Variants in HDX observed in about 807,000 individuals in gnomAD.
The protein encoded by HDX is chromosome X open reading frame 43.
HDX carries 19 observed loss-of-function variants against 45.2 expected under a neutral mutation model. The ratio of observed to expected loss-of-function variants is 0.42; its 90% CI spans 0.29 to 0.62. The LOEUF is 0.62. Among genes scored for constraint, HDX ranks in the 20% least tolerant of loss-of-function variants. The pLI, the probability that HDX is intolerant of heterozygous loss-of-function variation, is 0.20. For missense variants in HDX, 532 were observed against 493.9 expected (o/e 1.08, Z -0.73); for synonymous variants, 188 against 172.8 (o/e 1.09, Z -0.69).
At chrX:84,465,223 G>A (rs1161946301) in intron 4 of HDX, among the ~76,000 whole-genome samples, 1 of 111,872 alleles carries the variant, frequency 8.9e-6, no homozygotes, top group African/African-American at 3.3e-5. Flanking sequence ...ACTGTTGGTG[G>A]GAATGTAAAT....
intron 4 of HDX, among the ~76,000 whole-genome samples, chrX:84,442,197 T>A (rs905315927): frequency 9.0e-6 from 1 of 111,535 alleles, no homozygotes; most frequent in African/African-American, 3.2e-5. Context: ...TCTCAGTAGG[T>A]CATTGAAGTG....
intron 4 of HDX, among the ~76,000 whole-genome samples, chrX:84,453,464 C>T (rs1337604560): frequency 9.0e-6 from 1 of 111,481 alleles, no homozygotes; most frequent in Non-Finnish European, 1.9e-5. Context: ...TCAATGCTGA[C>T]CTGTCAGCAG....
chrX:84,378,792 G>A (rs1439452796), intron 5 of HDX, among the ~76,000 whole-genome samples: 3 of 111,313 alleles, frequency 2.7e-5, no homozygotes, highest in Non-Finnish European at 3.8e-5. Context: ...GCAGGAGTAA[G>A]TCCTTACTTA....
intron 5 of HDX, among the ~76,000 whole-genome samples, chrX:84,436,647 A>G (rs2039643521): frequency 9.0e-6 from 1 of 111,444 alleles, no homozygotes; most frequent in South Asian, 3.7e-4. Context: ...ATGTTTCTCT[A>G]TTATTGATGC....
intron 4 of HDX, among the ~76,000 whole-genome samples, chrX:84,448,754 C>A (rs35018699): frequency 0.23 from 24,911 of 109,811 alleles, 2,238 homozygotes; most frequent in Non-Finnish European, 0.29. Context: ...AAATATGATA[C>A]CTCTAAAGGA....
intron 6 of HDX, among the ~76,000 whole-genome samples, chrX:84,353,594 A>T (rs1375771883): frequency 9.0e-6 from 1 of 111,633 alleles, no homozygotes; most frequent in African/African-American, 3.3e-5. Flanking sequence ...ATTGTATTAT[A>T]GCAGGCTGTG....
chrX:84,491,113 C>T (rs751930468), intron 1 of HDX, among the ~76,000 whole-genome samples: 1 of 111,284 alleles, frequency 9.0e-6, no homozygotes, highest in South Asian at 3.7e-4. Flanking sequence ...TTCAACTGTT[C>T]GTTTTTAGAT....
chrX:84,376,216 G>A (rs957990963), intron 5 of HDX, among the ~76,000 whole-genome samples: 29 of 112,229 alleles, frequency 2.6e-4, no homozygotes, highest in Non-Finnish European at 4.5e-4. Flanking sequence ...CTTAGGCCGC[G>A]AATAGCTAGC....
rs754771733 is a variant in HDX at position 84,374,181 on chromosome X, A to G, written c.1306-12569T>C. Among the ~76,000 whole-genome samples, 18 of 111,668 alleles carry G rather than the reference A, an allele frequency of 1.6e-4. No individual in the cohort carries two copies. The East Asian group carries it at 4.2e-3, about 26-fold the overall frequency. Reference sequence around the variant, plus strand: ...ACAATTGCTTAAAAGAGAATAAAATACTTAGGAATCAAACTTACAAGGGAT... The same window carrying G: ...ACAATTGCTTAAAAGAGAATAAAATGCTTAGGAATCAAACTTACAAGGGAT... On this transcript the variant is annotated intron_variant, in intron 5 of 10. Transcript: ENST00000373177.
intron 2 of HDX, among the ~76,000 whole-genome samples, chrX:84,484,164 T>C (rs1368767578): frequency 1.8e-5 from 2 of 112,295 alleles, no homozygotes; most frequent in Non-Finnish European, 3.8e-5. Flanking sequence ...CTCTTCCTGT[T>C]ACTCAGTTCC....
At chrX:84,352,294 G>C (rs2037378468) in intron 6 of HDX, among the ~76,000 whole-genome samples, 1 of 111,837 alleles carries the variant, frequency 8.9e-6, no homozygotes, top group Admixed American at 9.5e-5. Context: ...CCTTGGATGT[G>C]TTTAGCATTG....
rs184283807 is a variant in HDX, at chrX:84,366,615, G to A, written c.1306-5003C>T. 3.0e-3 allele frequency among the ~76,000 whole-genome samples: 333 copies of A among 111,520 alleles called. 1 individual carries two copies. Among genetic ancestry groups the A allele is most frequent in the African/African-American group, 0.011 (328 of 30,680 alleles). On this transcript the variant is annotated intron_variant, in intron 5 of 10. Coordinates refer to ENST00000373177, the MANE Select transcript of HDX (RefSeq NM_001177479.2). ...AAGCTACAGTAAGCAAAACAGCATG[G>A]TACTGGTACCAAAACAGACAAATAG... is the stretch of plus-strand genomic sequence containing the variant.
intron 4 of HDX, among the ~76,000 whole-genome samples, chrX:84,464,313 T>G (rs1049016806): frequency 5.4e-5 from 6 of 111,360 alleles, no homozygotes; most frequent in African/African-American, 1.3e-4. Context: ...TCCACAGAAT[T>G]AGAAAAAACT....
chrX:84,409,886 A>T (rs767600837), intron 5 of HDX, among the ~76,000 whole-genome samples: 41 of 86,162 alleles, frequency 4.8e-4, no homozygotes, highest in Middle Eastern at 5.2e-3. Context: ...AATAAAATTT[A>T]AAAAAAAAGA....
chrX:84,337,636 G>C (rs2036994794), intron 7 of HDX, among the ~76,000 whole-genome samples: 1 of 111,348 alleles, frequency 9.0e-6, no homozygotes, highest in African/African-American at 3.3e-5. Context: ...TATATGCTAA[G>C]AGAAAATGGT....
chrX:84,376,286 A>G, intron 5 of HDX, among the ~76,000 whole-genome samples: 1 of 112,452 alleles, frequency 8.9e-6, no homozygotes, highest in Non-Finnish European at 1.9e-5. Flanking sequence ...TTCTGGCTTC[A>G]GGTGAGACTC....
At chrX:84,323,438 A>G (rs1366442454) in intron 10 of HDX, among the ~76,000 whole-genome samples, 1 of 111,332 alleles carries the variant, frequency 9.0e-6, no homozygotes, top group Non-Finnish European at 1.9e-5. Flanking sequence ...TGAAGATGCC[A>G]TATTAAAGAG....
At chrX:84,422,623 G>C (rs776850746) in intron 5 of HDX, among the ~76,000 whole-genome samples, 44 of 100,738 alleles carry the variant, frequency 4.4e-4, no homozygotes, top group Admixed American at 3.1e-3. Flanking sequence ...AAATGCTTTT[G>C]AAATTAAAAA....
At chrX:84,365,831 T>C (rs948258477) in intron 5 of HDX, among the ~76,000 whole-genome samples, 1 of 111,156 alleles carries the variant, frequency 9.0e-6, no homozygotes, top group African/African-American at 3.3e-5. Context: ...ATGGAATGTA[T>C]CTCAAAATAA....
Sources: allele counts gnomAD v4.1 joint callset (sites outside exome capture counted in the v4.1 genomes callset), GRCh38; gene constraint gnomAD v4.1.1; transcripts MANE v1.5; gene names NCBI Gene and HGNC (gene_info 2026-07-23, HGNC 2026-07-21).